Variants in MUC17 observed in about 807,000 individuals in gnomAD.
MUC17 encodes the protein mucin 17, cell surface associated, also known as mucin-17.
In MUC17, 190 loss-of-function variants were observed where a neutral mutation model predicts 170.3. The ratio of observed to expected loss-of-function variants is 1.12; its 90% confidence interval spans 0.99 to 1.26. MUC17 has a LOEUF of 1.26. Ranked by LOEUF, MUC17 falls within the 50% of genes most tolerant of loss-of-function variation. The pLI is 0.00. For missense variants in MUC17, 6,415 were observed against 5,530.0 expected (o/e 1.16, Z -5.08); for synonymous variants, 2,325 against 2,002.5 (o/e 1.16, Z -4.30).
At chr7:101,049,117 A>C in intron 5 of MUC17, 145 bp downstream of exon 5, 3 of 1,416,962 alleles carry the variant, frequency 2.1e-6, no homozygotes, top group South Asian at 2.6e-5. Flanking sequence ...TTGCCAGTGC[A>C]GGAGGGAAGA....
At position 101,034,892 on chromosome 7, in the gene MUC17, C is replaced by T. The variant is rs77274379; in HGVS notation, c.3476C>T (p.Thr1159Ile). The T allele has an allele frequency of 0.019, 30,337 of 1,609,580 alleles. 1 individual carries two copies. Among genetic ancestry groups the T allele is most frequent in the East Asian group, 0.15 (6,730 of 44,612 alleles). Residue 1159 changes from threonine to isoleucine, a missense_variant, in exon 3 of 13, where the codon ACC becomes ATC. By Grantham distance (89) the Thr-to-Ile change is moderately conservative. Coordinates refer to ENST00000306151, the MANE Select transcript of MUC17 (RefSeq NM_001040105.2). The part of the protein sequence containing the change: ...SIPTSPPSEG[T>I]TPLASMPVST... ...CCAACCTCACCTCCCAGTGAAGGAA[C>T]CACTCCGTTAGCAAGTATGCCTGTC...
At chr7:101,046,490 G>C (rs1395753553) in intron 3 of MUC17, among the ~76,000 whole-genome samples, 1 of 152,170 alleles carries the variant, frequency 6.6e-6, no homozygotes, top group Non-Finnish European at 1.5e-5. Context: ...AAAAGGAGTT[G>C]TTAGGCTGGG....
At chr7:101,044,828 C>A (rs947228936) in intron 3 of MUC17, among the ~76,000 whole-genome samples, 1 of 152,128 alleles carries the variant, frequency 6.6e-6, no homozygotes, top group Non-Finnish European at 1.5e-5. Context: ...CCTATTCATT[C>A]ATGTGTACCT....
rs201467055 is a variant in MUC17, at chr7:101,032,112, G to A, written c.696G>A (p.Glu232=). ...GCACCATGAAGGTGGCCAGTTCAGA[G>A]GCTATCACCCTTTTGACAACTCCTG... is the stretch of plus-strand genomic sequence containing the variant. ...PASTMKVASS[E]AITLLTTPVE... The change falls in exon 3 of 13, where the codon GAG becomes GAA. Residue 232 remains glutamate (E), a synonymous_variant. Transcript: ENST00000306151. 1.6e-5 allele frequency: 25 copies of A among 1,610,162 alleles called. No individual in the cohort carries two copies. The highest frequency in any genetic ancestry group is 2.0e-5 in the Non-Finnish European group (23 of 1,179,014).
rs1282904818 is a variant in MUC17, at chr7:101,033,689, T to C, written c.2273T>C (p.Leu758Pro). Residue 758 changes from leucine (L) to proline (P), a missense_variant, in exon 3 of 13, where the codon CTG (leucine) becomes CCG (proline). Physicochemically the swap from Leu to Pro is moderately conservative, Grantham distance 98. Transcript: ENST00000306151. ...PLTSMPVSKT[L>P]LTSSEASTLS... Reference sequence around the variant, plus strand: ...ACAAGTATGCCTGTCAGCAAAACGCTGTTGACCAGTTCTGAGGCTAGCACC... The same window carrying C: ...ACAAGTATGCCTGTCAGCAAAACGCCGTTGACCAGTTCTGAGGCTAGCACC... 2 of 1,613,102 alleles carry C rather than the reference T, an allele frequency of 1.2e-6. No individual in the cohort carries two copies. Among genetic ancestry groups the C allele is most frequent in the Admixed American group, 1.7e-5 (1 of 59,972 alleles).
rs368427859 is a variant in MUC17 at position 101,039,652 on chromosome 7, C to T, written c.8236C>T (p.Pro2746Ser). Residue 2746 changes from proline to serine, a missense_variant, in exon 3 of 13, where the codon CCT becomes TCT. By Grantham distance (74) the Pro-to-Ser change is moderately conservative (BLOSUM62 -1). Coordinates refer to ENST00000306151, the MANE Select transcript of MUC17 (RefSeq NM_001040105.2). ...AGGTACCAGCATGCGAATCTCAACT[C>T]CTAGTGATGGAAGTACTCCATTAAC... ...AEGTSMRIST[P>S]SDGSTPLTSI... 7 of 1,612,298 alleles carry T rather than the reference C, an allele frequency of 4.3e-6. No individual in the cohort carries two copies. In the South Asian group the frequency reaches 6.6e-5, roughly 15 times the overall value.
chr7:101,024,361 C>T (rs1356433257), intron 1 of MUC17, among the ~76,000 whole-genome samples: 1 of 151,612 alleles, frequency 6.6e-6, no homozygotes, highest in Non-Finnish European at 1.5e-5. Flanking sequence ...GATGGCATCA[C>T]TGCACTCCAG....
rs1244961225 is a variant in MUC17 at position 101,043,798 on chromosome 7, A to G, written c.12382A>G (p.Thr4128Ala). The G allele has an allele frequency of 1.2e-6, 2 of 1,605,098 alleles. No homozygotes were observed. Among genetic ancestry groups the G allele is most frequent in the East Asian group, 2.2e-5 (1 of 44,674 alleles). Residue 4128 changes from threonine (T) to alanine (A), a missense_variant, in exon 3 of 13, where the codon ACT (threonine) becomes GCT (alanine). Transcript: ENST00000306151. ...TIKSNPTSTP[T>A]VPRTTTCFGD... ...TAAGAGCAACCCCACCTCAACTCCT[A>G]CTGTGCCAAGAACCACAACATGTAA... is the stretch of plus-strand genomic sequence containing the variant.
At chr7:101,053,556 C>G in intron 11 of MUC17, 120 bp downstream of exon 11, 2 of 689,114 alleles carry the variant, frequency 2.9e-6, no homozygotes, top group Non-Finnish European at 5.0e-6. Context: ...TTACTTGAGG[C>G]CAGGAGCTCA....
Position 101,032,698 on chromosome 7 carries a change from A to G in MUC17, c.1282A>G (p.Ser428Gly), listed in dbSNP as rs1794326551. 1 of 1,577,294 alleles carries G rather than the reference A, an allele frequency of 6.3e-7. No individual in the cohort carries two copies. Among genetic ancestry groups the G allele is most frequent in the South Asian group, 1.1e-5 (1 of 89,108 alleles). The change falls in exon 3 of 13, where the codon AGT (serine) becomes GGT (glycine). Residue 428 changes from serine (S) to glycine (G), a missense_variant. Coordinates refer to ENST00000306151, the MANE Select transcript of MUC17 (RefSeq NM_001040105.2). ...CTCCAAAACTTTTGTGACCACTGCT[A>G]GTGAAGCCAGCTCATCTCCCACAAC... The part of the protein sequence containing the change: ...VDSKTFVTTA[S>G]EASSSPTTAE...
chr7:101,042,587 C>A lies in MUC17; in HGVS notation c.11171C>A (p.Pro3724His), dbSNP rs1205929826. ...ACACCTTCTGTTGTCACCAGCACACCTGTGACCACTTCTACTGAAGCCATT... is the reference window on the plus strand; with the variant it reads ...ACACCTTCTGTTGTCACCAGCACACATGTGACCACTTCTACTGAAGCCATT... ...LSTPSVVTSTPVTTSTEAISS... is the reference protein window; with the variant it reads ...LSTPSVVTSTHVTTSTEAISS... Residue 3724 changes from proline to histidine, a missense_variant, in exon 3 of 13, where the codon CCT (proline) becomes CAT (histidine). Transcript: ENST00000306151. 1.2e-6 allele frequency: 2 copies of A among 1,614,014 alleles called. No homozygotes were observed. Among genetic ancestry groups the A allele is most frequent in the Non-Finnish European group, 1.7e-6 (2 of 1,180,040 alleles).
intron 3 of MUC17, among the ~76,000 whole-genome samples, chr7:101,045,383 T>G (rs1056913020): frequency 6.6e-6 from 1 of 151,882 alleles, no homozygotes; most frequent in Non-Finnish European, 1.5e-5. Flanking sequence ...CTTTTTTCTT[T>G]TCTTTTCTTT....
intron 3 of MUC17, among the ~76,000 whole-genome samples, chr7:101,047,524 G>A (rs1358226292): frequency 6.6e-6 from 1 of 152,088 alleles, no homozygotes; most frequent in Non-Finnish European, 1.5e-5. Flanking sequence ...GGTCTCATGA[G>A]AGTATCATAT....
Position 101,034,416 on chromosome 7 carries a change from T to C in MUC17, c.3000T>C (p.Ala1000=). 3 of 1,607,248 alleles carry C rather than the reference T, an allele frequency of 1.9e-6. No individual in the cohort carries two copies. Among genetic ancestry groups the C allele is most frequent in the African/African-American group, 1.3e-5 (1 of 74,392 alleles). Residue 1000 remains alanine, a synonymous_variant, in exon 3 of 13, where the codon GCT becomes GCC. Coordinates refer to ENST00000306151, the MANE Select transcript of MUC17 (RefSeq NM_001040105.2). The stretch of plus-strand genomic sequence containing the variant: ...ACACGCTGGTGGCCAATTCTGAGGC[T>C]AGCACCCTTTCAACAACTCCTGTTG... ...VSHTLVANSE[A]STLSTTPVDS... is the part of the protein sequence containing the mutation.
chr7:101,051,512 A>G, intron 7 of MUC17, 101 bp from the exon 8 acceptor site: 3 of 1,172,622 alleles, frequency 2.6e-6, no homozygotes, highest in Non-Finnish European at 3.7e-6. Context: ...CCACCTCCCC[A>G]TCGCAGCCCA....
chr7:101,034,950 C>T lies in MUC17; in HGVS notation c.3534C>T (p.Asn1178=), dbSNP rs1214116639. 4.3e-6 allele frequency: 7 copies of T among 1,614,126 alleles called. No individual in the cohort carries two copies. The highest frequency in any genetic ancestry group is 1.6e-4 in the Middle Eastern group (1 of 6,062). ...CGCTGGTGGTCAGTTCTGAGGCTAA[C>T]ACCCTTTCAACAACTCCTGTGGACT... The part of the protein sequence containing the change: ...STTLVVSSEA[N]TLSTTPVDSK... Residue 1178 remains asparagine (N), a synonymous_variant, in exon 3 of 13, where the codon AAC becomes AAT. Transcript: ENST00000306151.
At position 101,038,461 on chromosome 7, in the gene MUC17, A is replaced by G. The variant is rs748841502; in HGVS notation, c.7045A>G (p.Met2349Val). 38 of 1,598,366 alleles carry G rather than the reference A, an allele frequency of 2.4e-5. No individual in the cohort carries two copies. In the East Asian group the frequency reaches 7.6e-4, roughly 32 times the overall value. Residue 2349 changes from methionine (M) to valine (V), a missense_variant, in exon 3 of 13, where the codon ATG (methionine) becomes GTG (valine). Physicochemically the swap from Met to Val is conservative, Grantham distance 21 (BLOSUM62 1). Coordinates refer to ENST00000306151, the MANE Select transcript of MUC17 (RefSeq NM_001040105.2). ...AACACGTATGCCTGTCAGCACCACA[A>G]TGGTGGCCAGTTTTGAAACAAGCAC... ...PLTRMPVSTT[M>V]VASFETSTLS...
At position 101,041,427 on chromosome 7, in the gene MUC17, A is replaced by G. The variant is rs533891055; in HGVS notation, c.10011A>G (p.Glu3337=). The change falls in exon 3 of 13, where the codon GAA becomes GAG. Residue 3337 remains glutamate (E), a synonymous_variant. Coordinates refer to ENST00000306151, the MANE Select transcript of MUC17 (RefSeq NM_001040105.2). Reference sequence around the variant, plus strand: ...GCATGCCAACCTCAACTTATAGTGAAGGAAGCACTCCACTAACAAATATGT... The same window carrying G: ...GCATGCCAACCTCAACTTATAGTGAGGGAAGCACTCCACTAACAAATATGT... ...GTSMPTSTYS[E]GSTPLTNMSF... 1 of 1,614,152 alleles carries G rather than the reference A, an allele frequency of 6.2e-7. No individual in the cohort carries two copies. The highest frequency in any genetic ancestry group is 1.3e-5 in the African/African-American group (1 of 75,040).
At chr7:101,047,406 G>A (rs897643648) in intron 3 of MUC17, among the ~76,000 whole-genome samples, 4 of 152,180 alleles carry the variant, frequency 2.6e-5, no homozygotes, top group Non-Finnish European at 5.9e-5. Context: ...AGGACTGGGT[G>A]GAGTGTAGCC....
Sources: allele counts gnomAD v4.1 joint callset (sites outside exome capture counted in the v4.1 genomes callset), GRCh38; gene constraint gnomAD v4.1.1; transcripts MANE v1.5; gene names NCBI Gene and HGNC (gene_info 2026-07-23, HGNC 2026-07-21).